GRIN2B: variants seen among roughly 807,000 people sequenced by gnomAD.
The protein encoded by GRIN2B is glutamate ionotropic receptor NMDA type subunit 2B, also known as glutamate receptor ionotropic, NMDA 2B.
Under a neutral mutation model 114.5 loss-of-function variants are expected in GRIN2B, and 5 were observed. The observed-to-expected ratio is 0.04, with a 90% CI of 0.02 to 0.09. GRIN2B has a LOEUF of 0.09. Ranked by LOEUF, GRIN2B falls within the 10% of genes least tolerant of loss-of-function variation. The pLI is 1.00. For missense variants in GRIN2B, 1,108 were observed against 1,943.5 expected (o/e 0.57, Z 8.08); for synonymous variants, 787 against 745.1 (o/e 1.06, Z -0.92).
Position 13,832,734 on chromosome 12 carries a change from C to T in GRIN2B, c.411+33064G>A, listed in dbSNP as rs189167961. Among the ~76,000 whole-genome samples, 440 of 152,210 alleles carry T rather than the reference C, an allele frequency of 2.9e-3. 3 individuals carry two copies. The highest frequency in any genetic ancestry group is 5.0e-3 in the Non-Finnish European group (338 of 68,002). The stretch of plus-strand genomic sequence containing the variant: ...TGAACATGTAAAATGTTTCAAATTA[C>T]TCACCGTGATAACTAATGCTATGAT... On this transcript the variant is annotated intron_variant, in intron 3 of 13. Transcript: ENST00000609686.
intron 3 of GRIN2B, among the ~76,000 whole-genome samples, chr12:13,756,044 G>A (rs930477444): frequency 1.1e-4 from 16 of 152,120 alleles, no homozygotes; most frequent in African/African-American, 3.9e-4. Context: ...TCCCCCCAGA[G>A]TCTCACTCTG....
At chr12:13,845,412 G>T (rs978327286) in intron 3 of GRIN2B, among the ~76,000 whole-genome samples, 1 of 151,998 alleles carries the variant, frequency 6.6e-6, no homozygotes, top group African/African-American at 2.4e-5. Flanking sequence ...ATTTCAGTTT[G>T]CCCTTGTCCT....
At chr12:13,946,723 T>C (rs1042867970) in intron 2 of GRIN2B, among the ~76,000 whole-genome samples, 1 of 152,180 alleles carries the variant, frequency 6.6e-6, no homozygotes, top group African/African-American at 2.4e-5. Context: ...ACATAAATGG[T>C]AAAATCTTAT....
At chr12:13,702,723 C>A (rs191866296) in intron 4 of GRIN2B, among the ~76,000 whole-genome samples, 60 of 152,252 alleles carry the variant, frequency 3.9e-4, no homozygotes, top group Non-Finnish European at 1.3e-4. Flanking sequence ...TAAAGAGTGG[C>A]TTTCCAGGGC....
intron 5 of GRIN2B, among the ~76,000 whole-genome samples, chr12:13,665,147 TTGTG>T (rs922497427): frequency 1.0e-5 from 1 of 96,292 alleles, no homozygotes; most frequent in African/African-American, 3.7e-5. Flanking sequence ...GTGTGTGTGT[TTGTG>T]TGTGTGTGTG....
At chr12:13,622,609 AT>A (rs971598346) in intron 5 of GRIN2B, among the ~76,000 whole-genome samples, 39 of 151,372 alleles carry the variant, frequency 2.6e-4, no homozygotes, top group African/African-American at 8.5e-4. Context: ...TGGGTAATTT[AT>A]TTTTTTTTAA....
intron 4 of GRIN2B, among the ~76,000 whole-genome samples, chr12:13,735,287 T>G (rs1207447510): frequency 6.6e-6 from 1 of 152,238 alleles, no homozygotes; most frequent in Non-Finnish European, 1.5e-5. Flanking sequence ...TGATAATGTT[T>G]CCATCTAAAA....
chr12:13,910,441 C>T (rs1465165776), intron 2 of GRIN2B, among the ~76,000 whole-genome samples: 7 of 152,206 alleles, frequency 4.6e-5, no homozygotes, highest in Admixed American at 4.6e-4. Context: ...TAGCAATAGG[C>T]AGCCTTCTCT....
At chr12:13,776,206 A>G (rs911633410) in intron 3 of GRIN2B, among the ~76,000 whole-genome samples, 17 of 152,126 alleles carry the variant, frequency 1.1e-4, no homozygotes, top group African/African-American at 4.1e-4. Flanking sequence ...GTTCTCACTT[A>G]TAAGTAGGAG....
chr12:13,642,561 T>C (rs1949729209), intron 5 of GRIN2B, among the ~76,000 whole-genome samples: 1 of 152,168 alleles, frequency 6.6e-6, no homozygotes, highest in Admixed American at 6.5e-5. Context: ...TTATAAGCAT[T>C]CCCATGACAC....
intron 3 of GRIN2B, among the ~76,000 whole-genome samples, chr12:13,854,851 G>A (rs545757158): frequency 2.0e-5 from 3 of 152,160 alleles, no homozygotes; most frequent in African/African-American, 7.2e-5. Flanking sequence ...ACCCATACTT[G>A]CTGATTCCTA....
At chr12:13,604,090 G>A (rs1949204307) in intron 10 of GRIN2B, among the ~76,000 whole-genome samples, 1 of 152,100 alleles carries the variant, frequency 6.6e-6, no homozygotes, top group Non-Finnish European at 1.5e-5. Flanking sequence ...ATCTGGATGG[G>A]TGAGAAATAT....
intron 10 of GRIN2B, among the ~76,000 whole-genome samples, chr12:13,602,174 T>G (rs1004107780): frequency 2.0e-5 from 3 of 152,158 alleles, no homozygotes; most frequent in Admixed American, 6.5e-5. Context: ...CCTCAGACAC[T>G]CCCAGGATTT....
intron 4 of GRIN2B, among the ~76,000 whole-genome samples, chr12:13,708,949 G>C (rs1461364239): frequency 1.3e-5 from 2 of 152,070 alleles, no homozygotes; most frequent in Admixed American, 1.3e-4. Context: ...GGTGGTAATA[G>C]ATAATAAATG....
In GRIN2B at chr12:13,693,276, G is replaced by A. The variant is rs997628748; in HGVS notation, c.1011-17417C>T. ...AGGTTGCAGTTTCCAAGACCCTATC[G>A]ATGAAGTTAAGTGAAGACTTATTGC... On this transcript the variant is annotated intron_variant, in intron 4 of 13. Transcript: ENST00000609686. Among the ~76,000 whole-genome samples the A allele has an allele frequency of 3.9e-5, 6 of 152,128 alleles. 1 individual carries two copies. The South Asian group carries it at 8.3e-4, about 21-fold the overall frequency.
chr12:13,933,827 G>C (rs1214408151), intron 2 of GRIN2B, among the ~76,000 whole-genome samples: 1 of 152,154 alleles, frequency 6.6e-6, no homozygotes, highest in Non-Finnish European at 1.5e-5. Context: ...TTTGGGATGG[G>C]GACAGGTCTA....
intron 2 of GRIN2B, among the ~76,000 whole-genome samples, chr12:13,912,204 C>T (rs1216377403): frequency 6.6e-6 from 1 of 152,062 alleles, no homozygotes; most frequent in African/African-American, 2.4e-5. Flanking sequence ...CTGACATTCA[C>T]TCTGGGTGCA....
intron 3 of GRIN2B, among the ~76,000 whole-genome samples, chr12:13,808,377 C>A (rs560154427): frequency 6.6e-6 from 1 of 152,166 alleles, no homozygotes; most frequent in Non-Finnish European, 1.5e-5. Flanking sequence ...CCAGAGGAAA[C>A]CCAGCACAGA....
At chr12:13,794,182 TG>T (rs1464587447) in intron 3 of GRIN2B, among the ~76,000 whole-genome samples, 1 of 119,640 alleles carries the variant, frequency 8.4e-6, no homozygotes, top group Non-Finnish European at 1.6e-5. Context: ...CACTGCAGCC[TG>T]GGCAATAGTG....
Sources: allele counts gnomAD v4.1 joint callset (sites outside exome capture counted in the v4.1 genomes callset), GRCh38; gene constraint gnomAD v4.1.1; transcripts MANE v1.5; gene names NCBI Gene and HGNC (gene_info 2026-07-23, HGNC 2026-07-21).